TENM2: variants seen among roughly 807,000 people sequenced by gnomAD.
The protein encoded by TENM2 is teneurin transmembrane protein 2.
In TENM2, 52 loss-of-function variants were observed where a neutral mutation model predicts 245.2. The observed-to-expected ratio is 0.21, with a 90% CI of 0.17 to 0.27. TENM2 has a LOEUF of 0.27. Ranked by LOEUF, TENM2 falls within the 10% of genes least tolerant of loss-of-function variation. TENM2 has a pLI of 1.00. For synonymous variants in TENM2, 1,363 were observed against 1,438.9 expected, an observed-to-expected ratio of 0.95 and a Z score of 1.19; for missense variants, 3,046 against 3,666.8, an observed-to-expected ratio of 0.83 and a Z score of 4.37.
At chr5:167,888,853 C>T (rs1774509218) in intron 3 of TENM2, among the ~76,000 whole-genome samples, 1 of 152,170 alleles carries the variant, frequency 6.6e-6, no homozygotes, top group Admixed American at 6.6e-5. Context: ...GGGGCACATG[C>T]ATTCTTGATA....
chr5:168,247,844 A>G lies in TENM2; in HGVS notation c.6905A>G (p.Tyr2302Cys), dbSNP rs1167984640. Residue 2302 changes from tyrosine to cysteine, a missense_variant, in exon 27 of 29, where the codon TAT becomes TGT. Tyr to Cys is a radical substitution (Grantham distance 194). Around this residue, in one of 2 missense-constraint regions of TENM2, gnomAD observed 2,704 missense variants for 3,331.9 expected, o/e 0.81. Coordinates refer to ENST00000518659, the Ensembl canonical transcript of TENM2. The surrounding 1 kb of genome is among the most constrained non-coding windows in gnomAD (Gnocchi z 7.8). ...AGCGGGTGGAGTGTCCAGTACCGCT[A>G]TGATGGCGTAGGACGGCGGGCTTCC... is the stretch of plus-strand genomic sequence containing the variant. 3.1e-6 allele frequency: 5 copies of G among 1,613,894 alleles called. No homozygotes were observed. In the African/African-American group the frequency reaches 5.3e-5, roughly 17 times the overall value.
At chr5:167,166,124 C>A in the TENM2 span, among the ~76,000 whole-genome samples, 1 of 152,294 alleles carries the variant, frequency 6.6e-6, no homozygotes, top group East Asian at 1.9e-4. Flanking sequence ...TCCAATTAAA[C>A]CACTGCTGTT....
chr5:167,553,455 T>A (rs74867212), intron 2 of TENM2, among the ~76,000 whole-genome samples: 10,685 of 152,248 alleles, frequency 0.07, 493 homozygotes, highest in Admixed American at 0.15. Context: ...TAGGAAGTCA[T>A]CTACTCTCAC....
intron 7 of TENM2, among the ~76,000 whole-genome samples, chr5:168,080,390 T>G (rs1203456888): frequency 6.6e-6 from 1 of 152,214 alleles, no homozygotes; most frequent in Non-Finnish European, 1.5e-5. Flanking sequence ...AGCTCCTGGA[T>G]TCACTGATTT....
chr5:168,148,007 G>A (rs1360935411), intron 12 of TENM2, among the ~76,000 whole-genome samples: 1 of 152,206 alleles, frequency 6.6e-6, no homozygotes, highest in African/African-American at 2.4e-5. Flanking sequence ...AGAGATGCGA[G>A]CATTCCATCC....
At chr5:167,690,599 T>G in intron 2 of TENM2, among the ~76,000 whole-genome samples, 1 of 152,246 alleles carries the variant, frequency 6.6e-6, no homozygotes, top group Admixed American at 6.5e-5. Context: ...CAGGCCTTGG[T>G]TTTTTCATCT....
intron 2 of TENM2, among the ~76,000 whole-genome samples, chr5:167,872,475 A>C (rs958967543): frequency 1.0e-4 from 12 of 114,578 alleles, no homozygotes; most frequent in African/African-American, 3.5e-4. Context: ...AGAAAGAAAG[A>C]AAGAAAGAAA....
chr5:167,005,522 A>ACTATACTG, the TENM2 span, among the ~76,000 whole-genome samples: 1 of 152,010 alleles, frequency 6.6e-6, no homozygotes. Context: ...AATAATGCGT[A>ACTATACTG]CTATACTGAA....
chr5:167,974,922 A>G (rs1280846649), intron 4 of TENM2, among the ~76,000 whole-genome samples: 1 of 152,096 alleles, frequency 6.6e-6, no homozygotes, highest in East Asian at 1.9e-4. Context: ...TTTGTTTTTC[A>G]CATAACCACT....
intron 27 of TENM2, among the ~76,000 whole-genome samples, chr5:168,258,943 G>A (rs537294124): frequency 6.6e-6 from 1 of 152,202 alleles, no homozygotes; most frequent in East Asian, 1.9e-4. Context: ...AGCACTTTGG[G>A]AGGCCAAGGT....
intron 2 of TENM2, among the ~76,000 whole-genome samples, chr5:167,655,873 C>T (rs77070120): frequency 0.014 from 2,091 of 152,208 alleles, 46 homozygotes; most frequent in African/African-American, 0.048. Flanking sequence ...AGCTCTTTTC[C>T]GCCTGCCAGG....
intron 13 of TENM2, chr5:168,186,914 C>T (rs375989254): frequency 6.6e-6 from 1 of 152,096 alleles, no homozygotes; most frequent in South Asian, 2.1e-4. Flanking sequence ...CATAAAGACG[C>T]GATTCTCATG....
chr5:168,204,605 A>G (rs1315887659), exon 19 of TENM2: 14 of 1,613,720 alleles, frequency 8.7e-6, no homozygotes, highest in Middle Eastern at 1.6e-4. Flanking sequence ...AAATGTGACC[A>G]GCATCTTGGA....
At chr5:168,154,307 C>T (rs903818663) in intron 12 of TENM2, among the ~76,000 whole-genome samples, 1 of 152,092 alleles carries the variant, frequency 6.6e-6, no homozygotes, top group African/African-American at 2.4e-5. Flanking sequence ...CCTCCACCCA[C>T]CCAGCTTCAA....
chr5:168,223,204 T>C (rs1028264623), intron 23 of TENM2, among the ~76,000 whole-genome samples: 6 of 152,176 alleles, frequency 3.9e-5, no homozygotes, highest in African/African-American at 1.4e-4. Flanking sequence ...CTCCCTAAAG[T>C]AGAAACTCCA....
chr5:167,758,366 G>A (rs1259034338), intron 2 of TENM2, among the ~76,000 whole-genome samples: 2 of 152,116 alleles, frequency 1.3e-5, no homozygotes, highest in Non-Finnish European at 2.9e-5. Flanking sequence ...GGATCTGTGG[G>A]TGCTCTATCC....
chr5:167,568,735 A>T (rs1415023161), intron 2 of TENM2, among the ~76,000 whole-genome samples: 1 of 152,022 alleles, frequency 6.6e-6, no homozygotes. Flanking sequence ...TGAAAATTCA[A>T]CAATATTGTT....
rs115770151 is a variant in TENM2, at chr5:167,793,081, G to A, written c.503-82905G>A. On this transcript the variant is annotated intron_variant, in intron 2 of 28. Transcript: ENST00000518659. Reference sequence around the variant, plus strand: ...AGAAATAGGCTGGGTGAAAGAGCCTGTCCTTGCTAGTAAAGCCTTGAGAGA... The same window carrying A: ...AGAAATAGGCTGGGTGAAAGAGCCTATCCTTGCTAGTAAAGCCTTGAGAGA... 1.4e-3 allele frequency among the ~76,000 whole-genome samples: 213 copies of A among 152,310 alleles called. 1 individual carries two copies. The highest frequency in any genetic ancestry group is 4.9e-3 in the African/African-American group (204 of 41,584).
intron 2 of TENM2, among the ~76,000 whole-genome samples, chr5:167,556,196 CTTAA>C (rs1163868439): frequency 6.6e-6 from 1 of 151,956 alleles, no homozygotes; most frequent in Non-Finnish European, 1.5e-5. Flanking sequence ...ATTTTCATTG[CTTAA>C]TTGATTTAAT....
Sources: gnomAD v4.1 joint callset for allele counts (sites outside exome capture counted in the v4.1 genomes callset) on GRCh38, gnomAD v4.1.1 for gene constraint, gnomAD v4.1.1 regional missense constraint, Gnocchi (gnomAD v3.1) non-coding constraint, MANE v1.5 for transcripts, NCBI Gene and HGNC (gene_info 2026-07-23, HGNC 2026-07-21) for gene names.